The following FRAS1 variants were observed in gnomAD, a reference collection of about 807,000 sequenced individuals.
FRAS1 encodes extracellular matrix organizing protein FRAS1.
Under a neutral mutation model 435.2 loss-of-function variants are expected in FRAS1, and 290 were observed. The observed-to-expected ratio is 0.67, with a 90% confidence interval of 0.61 to 0.73. The LOEUF is 0.73. Ranked by LOEUF, FRAS1 falls within the 30% of genes least tolerant of loss-of-function variation. FRAS1 has a pLI of 0.00. For missense variants in FRAS1, 4,860 were observed against 5,001.5 expected (o/e 0.97, Z 0.85); for synonymous variants, 1,800 against 1,851.0 (o/e 0.97, Z 0.71).
intron 66 of FRAS1, among the ~76,000 whole-genome samples, chr4:78,518,915 C>A (rs1186181519): frequency 2.6e-5 from 4 of 152,158 alleles, no homozygotes; most frequent in Non-Finnish European, 4.4e-5. Context: ...TTGACTTGGG[C>A]TCTCCCACAG....
chr4:78,312,814 A>G (rs1232766313), intron 15 of FRAS1, among the ~76,000 whole-genome samples: 1 of 151,522 alleles, frequency 6.6e-6, no homozygotes, highest in African/African-American at 2.4e-5. Context: ...CTTGGGTGAC[A>G]GAGTGAGACC....
Position 78,496,889 on chromosome 4 carries a change from G to A in FRAS1, c.9043G>A (p.Gly3015Arg), listed in dbSNP as rs1199477507. 6.2e-7 allele frequency: 1 copy of A among 1,613,702 alleles called. No homozygotes were observed. Among genetic ancestry groups the A allele is most frequent in the South Asian group, 1.1e-5 (1 of 91,080 alleles). The change falls in exon 60 of 74, where the codon GGA becomes AGA. Residue 3015 changes from glycine to arginine, a missense_variant. Transcript: ENST00000512123. ...QFRVYLGLPLGNHWSGARIGK... is the reference protein window; with the variant it reads ...QFRVYLGLPLRNHWSGARIGK... ...CAGGGTCTACCTCGGCCTTCCTCTT[G>A]GAAACCACTGGAGTGGAGCTAGAAT...
chr4:78,423,257 C>T (rs1021161546), intron 34 of FRAS1, among the ~76,000 whole-genome samples: 3 of 152,020 alleles, frequency 2.0e-5, no homozygotes, highest in African/African-American at 7.2e-5. Flanking sequence ...ACTTCCGCCT[C>T]CCAGATTCAA....
At chr4:78,495,615 A>T (rs1247339656) in intron 59 of FRAS1, among the ~76,000 whole-genome samples, 2 of 152,150 alleles carry the variant, frequency 1.3e-5, no homozygotes, top group Non-Finnish European at 2.9e-5. Context: ...ACATGTCTGT[A>T]TTTGTTTTAA....
At chr4:78,196,418 TA>T (rs891865953) in intron 2 of FRAS1, among the ~76,000 whole-genome samples, 24 of 152,342 alleles carry the variant, frequency 1.6e-4, no homozygotes, top group African/African-American at 5.5e-4. Context: ...TTTTACTGGG[TA>T]AATAATGAAT....
intron 2 of FRAS1, among the ~76,000 whole-genome samples, chr4:78,183,382 T>C (rs1422889814): frequency 6.6e-6 from 1 of 151,626 alleles, no homozygotes; most frequent in African/African-American, 2.4e-5. Flanking sequence ...TGAGGCAGAG[T>C]GGGGATTGCT....
chr4:78,428,154 A>G (rs1047057535), intron 35 of FRAS1, among the ~76,000 whole-genome samples: 2 of 152,190 alleles, frequency 1.3e-5, no homozygotes, highest in Non-Finnish European at 2.9e-5. Context: ...TTCCTCAGAG[A>G]TGGATGTTCA....
chr4:78,131,249 T>C (rs1719665767), intron 2 of FRAS1, among the ~76,000 whole-genome samples: 1 of 152,140 alleles, frequency 6.6e-6, no homozygotes, highest in Non-Finnish European at 1.5e-5. Flanking sequence ...TGATTTGAGA[T>C]TTGATATAGA....
intron 2 of FRAS1, among the ~76,000 whole-genome samples, chr4:78,129,089 G>T (rs992444950): frequency 6.6e-6 from 1 of 152,116 alleles, no homozygotes; most frequent in African/African-American, 2.4e-5. Context: ...ATTTCTGAGG[G>T]CTCTGTTCTA....
chr4:78,194,822 C>T (rs1027938276), intron 2 of FRAS1, among the ~76,000 whole-genome samples: 9 of 152,176 alleles, frequency 5.9e-5, no homozygotes, highest in South Asian at 2.1e-4. Context: ...TGAGGAGCTG[C>T]GTTCCTTTGG....
chr4:78,395,198 G>T (rs1319616822), intron 29 of FRAS1, among the ~76,000 whole-genome samples: 1 of 151,838 alleles, frequency 6.6e-6, no homozygotes, highest in East Asian at 1.9e-4. Context: ...TTGCCTAATT[G>T]CTCTGGCTGG....
At position 78,263,674 on chromosome 4, in the gene FRAS1, T is replaced by C. The variant is rs146516058; in HGVS notation, c.604-1351T>C. Among the ~76,000 whole-genome samples, 28 of 152,342 alleles carry C rather than the reference T, an allele frequency of 1.8e-4. 1 individual carries two copies. The East Asian group carries it at 5.0e-3, about 27-fold the overall frequency. ...TTAAGCTGAAGAGATCTGTCTGTAG[T>C]CAAGAAACACTAAATGATTTCAGTG... On this transcript the variant is annotated intron_variant, in intron 6 of 73. Coordinates refer to ENST00000512123, the MANE Select transcript of FRAS1 (RefSeq NM_025074.7).
Position 78,404,145 on chromosome 4 carries a change from G to A in FRAS1, c.4129+3258G>A, listed in dbSNP as rs146729904. On this transcript the variant is annotated intron_variant, in intron 30 of 73. Transcript: ENST00000512123. The stretch of plus-strand genomic sequence containing the variant: ...GAATCTGATTTAACCTAATGCATTG[G>A]CAATTCCAAATTATTTATCATAATG... Among the ~76,000 whole-genome samples the A allele has an allele frequency of 1.2e-4, 18 of 152,162 alleles. No individual in the cohort carries two copies. In the East Asian group the frequency reaches 2.5e-3, roughly 21 times the overall value.
intron 2 of FRAS1, among the ~76,000 whole-genome samples, chr4:78,092,686 G>A (rs1258958668): frequency 3.9e-5 from 6 of 152,170 alleles, no homozygotes; most frequent in African/African-American, 7.2e-5. Context: ...GAGTGGTGCC[G>A]TTCTTTGAGC....
intron 9 of FRAS1, among the ~76,000 whole-genome samples, chr4:78,270,626 G>A (rs1165319114): frequency 2.8e-5 from 4 of 144,656 alleles, no homozygotes; most frequent in Non-Finnish European, 6.0e-5. Flanking sequence ...AGTTTTGTCT[G>A]TATGTATTTT....
chr4:78,184,761 A>G (rs1030006145), intron 2 of FRAS1, among the ~76,000 whole-genome samples: 1 of 152,198 alleles, frequency 6.6e-6, no homozygotes, highest in Admixed American at 6.5e-5. Flanking sequence ...TCCCTTATAA[A>G]GGCCCACCTG....
At chr4:78,461,037 G>T (rs1719355340) in intron 47 of FRAS1, among the ~76,000 whole-genome samples, 1 of 152,130 alleles carries the variant, frequency 6.6e-6, no homozygotes, top group African/African-American at 2.4e-5. Flanking sequence ...TAAAACTCAG[G>T]TTCTAGATGC....
At chr4:78,093,792 C>A (rs942505799) in intron 2 of FRAS1, among the ~76,000 whole-genome samples, 5 of 152,150 alleles carry the variant, frequency 3.3e-5, no homozygotes, top group Non-Finnish European at 5.9e-5. Flanking sequence ...CCCTGAGGAC[C>A]AATTTAAGTG....
intron 22 of FRAS1, 137 bp downstream of exon 22, chr4:78,364,191 A>G (rs1560681685): frequency 7.7e-6 from 8 of 1,033,290 alleles, no homozygotes; most frequent in Non-Finnish European, 4.1e-6. Context: ...AAACCAATCT[A>G]CAAAGGCAGT....
Sources: allele counts gnomAD v4.1 joint callset (sites outside exome capture counted in the v4.1 genomes callset), GRCh38; gene constraint gnomAD v4.1.1; transcripts MANE v1.5; gene names NCBI Gene and HGNC (gene_info 2026-07-23, HGNC 2026-07-21).